The following NXPE2 variants were observed in gnomAD, a reference collection of about 807,000 sequenced individuals.
NXPE2 encodes NXPE family member 2.
In NXPE2, 34 loss-of-function variants were observed where a neutral mutation model predicts 34.4. The ratio of observed to expected loss-of-function variants is 0.99; its 90% CI spans 0.75 to 1.31. The LOEUF (loss-of-function observed/expected upper bound fraction) is 1.31. Ranked by LOEUF, NXPE2 falls within the 40% of genes most tolerant of loss-of-function variation. The probability of loss-of-function intolerance (pLI) is 0.00; values close to 1 mark genes in which losing one functional copy is unlikely to be tolerated. For synonymous variants in NXPE2, 235 were observed against 231.3 expected (o/e 1.02, Z -0.15); for missense variants, 649 against 672.5 (o/e 0.97, Z 0.39).
At chr11:114,515,124 T>C in the NXPE2 span, among the ~76,000 whole-genome samples, 3 of 152,050 alleles carry the variant, frequency 2.0e-5, no homozygotes, top group African/African-American at 7.2e-5. Context: ...GTGGATTCAG[T>C]ACTTGTCATT....
chr11:114,563,248 G>GTC, the NXPE2 span, among the ~76,000 whole-genome samples: 2 of 152,070 alleles, frequency 1.3e-5, no homozygotes, highest in African/African-American at 4.8e-5. Flanking sequence ...GCAAATAAGA[G>GTC]GGTGAGTCAT....
the NXPE2 span, among the ~76,000 whole-genome samples, chr11:114,647,573 G>A: frequency 6.6e-6 from 1 of 151,860 alleles, no homozygotes; most frequent in African/African-American, 2.4e-5. Flanking sequence ...TCACTACTAG[G>A]TTTTACATTT....
At chr11:114,473,034 A>G in the NXPE2 span, among the ~76,000 whole-genome samples, 16 of 152,194 alleles carry the variant, frequency 1.1e-4, no homozygotes, top group African/African-American at 3.9e-4. Context: ...GCATTACTAT[A>G]ACTGAATAAT....
At chr11:114,793,625 T>G in the NXPE2 span, among the ~76,000 whole-genome samples, 1 of 152,168 alleles carries the variant, frequency 6.6e-6, no homozygotes, top group African/African-American at 2.4e-5. Flanking sequence ...GGTAGTAAAC[T>G]GCAGGGATAA....
the NXPE2 span, among the ~76,000 whole-genome samples, chr11:114,734,398 GATT>G: frequency 1.3e-3 from 193 of 152,256 alleles, no homozygotes; most frequent in Admixed American, 5.7e-3. Flanking sequence ...TTAGGGTAAA[GATT>G]ATTATTCTTA....
chr11:114,745,006 T>C, the NXPE2 span, among the ~76,000 whole-genome samples: 32 of 152,182 alleles, frequency 2.1e-4, no homozygotes, highest in Admixed American at 5.2e-4. Context: ...GTTGGATAAC[T>C]TCAGGAAGTT....
the NXPE2 span, among the ~76,000 whole-genome samples, chr11:114,638,573 G>GT: frequency 0.01 from 1,548 of 152,008 alleles, 25 homozygotes; most frequent in African/African-American, 0.035. Context: ...TTTCTGCTCT[G>GT]TTTTTTCCCC....
chr11:114,574,823 C>A, the NXPE2 span, among the ~76,000 whole-genome samples: 1 of 152,060 alleles, frequency 6.6e-6, no homozygotes. Flanking sequence ...AGAGGGAATC[C>A]TCCCTAAATA....
chr11:114,607,896 G>T, the NXPE2 span, among the ~76,000 whole-genome samples: 1 of 151,910 alleles, frequency 6.6e-6, no homozygotes, highest in African/African-American at 2.4e-5. Context: ...TGCCTCGTGG[G>T]TAACCACAGT....
the NXPE2 span, chr11:114,582,998 G>A: frequency 2.5e-6 from 4 of 1,612,588 alleles, no homozygotes; most frequent in South Asian, 2.2e-5. Flanking sequence ...GGAGGGAGAT[G>A]GATAAGTTTA....
chr11:114,562,409 G>T, the NXPE2 span, among the ~76,000 whole-genome samples: 15 of 152,180 alleles, frequency 9.9e-5, no homozygotes, highest in Non-Finnish European at 1.9e-4. Flanking sequence ...ATGATATGTG[G>T]AGAGGTCATA....
At chr11:114,764,471 T>C in the NXPE2 span, among the ~76,000 whole-genome samples, 1 of 151,770 alleles carries the variant, frequency 6.6e-6, no homozygotes, top group East Asian at 1.9e-4. Context: ...TGTGCGCCTC[T>C]ACATACATTA....
At chr11:114,473,821 A>C in the NXPE2 span, among the ~76,000 whole-genome samples, 1 of 152,202 alleles carries the variant, frequency 6.6e-6, no homozygotes, top group Admixed American at 6.6e-5. Context: ...GCTGCAGATT[A>C]ATTCTGTGAC....
chr11:114,734,526 C>CT, the NXPE2 span, among the ~76,000 whole-genome samples: 1 of 152,132 alleles, frequency 6.6e-6, no homozygotes, highest in Admixed American at 6.5e-5. Context: ...AGAACCAAGA[C>CT]TTTTTGCCAA....
chr11:114,599,727 A>G, the NXPE2 span, among the ~76,000 whole-genome samples: 1 of 152,016 alleles, frequency 6.6e-6, no homozygotes, highest in African/African-American at 2.4e-5. Flanking sequence ...ACACATTTTT[A>G]AACAACAAGA....
At chr11:114,719,918 C>T in the NXPE2 span, among the ~76,000 whole-genome samples, 4 of 152,316 alleles carry the variant, frequency 2.6e-5, no homozygotes, top group South Asian at 4.1e-4. Context: ...ATCATGCTGT[C>T]GTGCTTCTTT....
the NXPE2 span, chr11:114,527,916 T>A: frequency 2.2e-6 from 3 of 1,381,916 alleles, no homozygotes; most frequent in African/African-American, 1.5e-5. Flanking sequence ...AAAAAAAAAA[T>A]AGAACAATAA....
At chr11:114,701,322 G>A (rs569615231) in intron 3 of NXPE2, among the ~76,000 whole-genome samples, 1 of 152,112 alleles carries the variant, frequency 6.6e-6, no homozygotes, top group South Asian at 2.1e-4. Flanking sequence ...GGTCCTCATT[G>A]AAGCCTGGGT....
the NXPE2 span, among the ~76,000 whole-genome samples, chr11:114,635,920 A>G: frequency 6.6e-6 from 1 of 151,976 alleles, no homozygotes; most frequent in Non-Finnish European, 1.5e-5. Flanking sequence ...ATTGGTCTAA[A>G]ATTCTCTTTT....
Sources: allele counts gnomAD v4.1 joint callset (sites outside exome capture counted in the v4.1 genomes callset), GRCh38; gene constraint gnomAD v4.1.1; transcripts MANE v1.5; gene names NCBI Gene and HGNC (gene_info 2026-07-23, HGNC 2026-07-21).